The following OTOG variants were observed in gnomAD, a reference collection of about 807,000 sequenced individuals.
OTOG encodes the protein otogelin.
In OTOG, 296 loss-of-function variants were observed where a neutral mutation model predicts 313.8. The observed-to-expected ratio is 0.94, with a 90% confidence interval of 0.86 to 1.04. The LOEUF (loss-of-function observed/expected upper bound fraction) is 1.04. OTOG is among the 50% of genes least tolerant of loss of function. The pLI, the probability that OTOG is intolerant of heterozygous loss-of-function variation, is 0.00. For missense variants in OTOG, 3,948 were observed against 3,840.1 expected, an observed-to-expected ratio of 1.03 and a Z score of -0.74; for synonymous variants, 1,533 against 1,554.9, an observed-to-expected ratio of 0.99 and a Z score of 0.33.
In OTOG at chr11:17,612,770, C is replaced by T. The variant is rs1853594502; in HGVS notation, c.6438+5C>T. 2 of 1,549,880 alleles carry T rather than the reference C, an allele frequency of 1.3e-6. No homozygotes were observed. The highest frequency in any genetic ancestry group is 2.0e-5 in the Admixed American group (1 of 50,944). On this transcript the variant is annotated splice_donor_5th_base_variant and intron_variant, in intron 38 of 55. Coordinates refer to ENST00000399397, the MANE Select transcript of OTOG (RefSeq NM_001292063.2). ...GACTGCAAAAGTGCCAACCTGGTGCCTGCCCCATACCTCCCTCCCTGCTGG... is the reference window on the plus strand; with the variant it reads ...GACTGCAAAAGTGCCAACCTGGTGCTTGCCCCATACCTCCCTCCCTGCTGG...
chr11:17,632,198 C>T lies in OTOG; in HGVS notation c.7044C>T (p.Cys2348=). 6.4e-7 allele frequency: 1 copy of T among 1,550,968 alleles called. No homozygotes were observed. The highest frequency in any genetic ancestry group is 1.2e-5 in the South Asian group (1 of 84,056). ...CCATGTGCCACAAATTTCATGTGTG[C>T]ATCGAGTGGCGGCGCTCTGACTACT... ...YVAMCHKFHV[C]IEWRRSDYCP... The change falls in exon 42 of 56, where the codon TGC becomes TGT. Residue 2348 remains cysteine (C), a synonymous_variant. Transcript: ENST00000399397.
intron 28 of OTOG, 44 bp from the exon 29 acceptor site, chr11:17,595,994 A>T: frequency 1.5e-6 from 2 of 1,368,226 alleles, no homozygotes. Flanking sequence ...GGCAACAGGC[A>T]TTTGGCAAGT....
In OTOG at chr11:17,611,043, A is replaced by G. The variant is rs1339656751; in HGVS notation, c.5743A>G (p.Lys1915Glu). 1.9e-6 allele frequency: 3 copies of G among 1,550,600 alleles called. No homozygotes were observed. In the South Asian group the frequency reaches 3.6e-5, roughly 18 times the overall value. ...STTGKVAILS[K>E]QVSLPTSMYG... Reference sequence around the variant, plus strand: ...CACAGGGAAGGTGGCCATCCTATCCAAGCAAGTGTCTCTGCCCACTTCCAT... The same window carrying G: ...CACAGGGAAGGTGGCCATCCTATCCGAGCAAGTGTCTCTGCCCACTTCCAT... The change falls in exon 36 of 56, where the codon AAG becomes GAG. Residue 1915 changes from lysine (K) to glutamate (E), a missense_variant. By Grantham distance (56) the Lys-to-Glu change is moderately conservative. Transcript: ENST00000399397.
In OTOG at chr11:17,591,548, C is replaced by T. The variant is rs192108740; in HGVS notation, c.2966C>T (p.Pro989Leu). Reference sequence around the variant, plus strand: ...CATTACCGCACGTTTGATGGGCTCCCGTTTGACTTCGTGGGGGCATGCAAA... The same window carrying T: ...CATTACCGCACGTTTGATGGGCTCCTGTTTGACTTCGTGGGGGCATGCAAA... The part of the protein sequence containing the change: ...DRHYRTFDGL[P>L]FDFVGACKVH... The change falls in exon 25 of 56, where the codon CCG becomes CTG. Residue 989 changes from proline (P) to leucine (L), a missense_variant. Transcript: ENST00000399397. 3.9e-6 allele frequency: 6 copies of T among 1,550,646 alleles called. No individual in the cohort carries two copies. Among genetic ancestry groups the T allele is most frequent in the Admixed American group, 2.0e-5 (1 of 51,004 alleles).
intron 14 of OTOG, 44 bp downstream of exon 14, chr11:17,561,181 C>T (rs1447532447): frequency 1.3e-6 from 2 of 1,548,424 alleles, no homozygotes; most frequent in Non-Finnish European, 1.7e-6. Context: ...TTCTACCAGT[C>T]TGATAGGTTT....
At chr11:17,550,658 C>T (rs527982072) in intron 3 of OTOG, among the ~76,000 whole-genome samples, 2 of 152,310 alleles carry the variant, frequency 1.3e-5, no homozygotes, top group East Asian at 3.9e-4. Flanking sequence ...TTAATTACAG[C>T]TCTCTGGTGG....
chr11:17,629,679 A>T (rs886693019), intron 40 of OTOG, among the ~76,000 whole-genome samples: 1 of 152,202 alleles, frequency 6.6e-6, no homozygotes, highest in Non-Finnish European at 1.5e-5. Flanking sequence ...GCACTGAGAG[A>T]TGGCCATTAG....
intron 24 of OTOG, among the ~76,000 whole-genome samples, chr11:17,587,821 G>C (rs945136894): frequency 3.3e-5 from 5 of 152,154 alleles, no homozygotes; most frequent in Admixed American, 6.5e-5. Flanking sequence ...GTGAGCCAGA[G>C]CTCACCAGGG....
intron 14 of OTOG, 133 bp from the exon 15 acceptor site, chr11:17,561,529 G>T (rs901917837): frequency 4.3e-6 from 4 of 940,872 alleles, no homozygotes; most frequent in Non-Finnish European, 6.4e-6. Flanking sequence ...GGCTCTCAGG[G>T]GCCAGGCCTC....
At chr11:17,565,535 A>G (rs1322721775) in intron 15 of OTOG, among the ~76,000 whole-genome samples, 1 of 152,104 alleles carries the variant, frequency 6.6e-6, no homozygotes, top group Non-Finnish European at 1.5e-5. Context: ...GGAAGTCACT[A>G]TGGGCAACCC....
intron 24 of OTOG, among the ~76,000 whole-genome samples, chr11:17,590,896 C>T (rs184229136): frequency 6.6e-6 from 1 of 152,310 alleles, no homozygotes; most frequent in East Asian, 1.9e-4. Flanking sequence ...GCCCCAACCA[C>T]CCTATTTAAA....
At chr11:17,571,720 T>C (rs571352216) in intron 17 of OTOG, among the ~76,000 whole-genome samples, 2 of 152,238 alleles carry the variant, frequency 1.3e-5, no homozygotes, top group South Asian at 4.1e-4. Context: ...CTAGCCCATT[T>C]TGAGCCCTTT....
intron 4 of OTOG, 77 bp from the exon 5 acceptor site, chr11:17,553,042 G>A (rs968431271): frequency 7.0e-5 from 97 of 1,385,184 alleles, no homozygotes; most frequent in Middle Eastern, 3.5e-4. Context: ...TGGATCCTGT[G>A]AAGCCTGAGA....
At chr11:17,644,459 C>T (rs1447062471) in intron 54 of OTOG, among the ~76,000 whole-genome samples, 1 of 152,206 alleles carries the variant, frequency 6.6e-6, no homozygotes, top group South Asian at 2.1e-4. Context: ...AGTGAGTGCA[C>T]GTACCTGGCA....
At chr11:17,577,583 T>C (rs566359440) in intron 22 of OTOG, among the ~76,000 whole-genome samples, 1 of 152,260 alleles carries the variant, frequency 6.6e-6, no homozygotes, top group East Asian at 1.9e-4. Context: ...GCAACCCACT[T>C]TACCTCTCTG....
intron 33 of OTOG, among the ~76,000 whole-genome samples, 176 bp downstream of exon 33, chr11:17,606,311 G>C (rs1193239096): frequency 3.3e-5 from 5 of 152,226 alleles, no homozygotes; most frequent in African/African-American, 1.2e-4. Context: ...CCTCCATGTT[G>C]ACAGCTTAGG....
chr11:17,587,082 TG>T, intron 24 of OTOG, among the ~76,000 whole-genome samples: 1 of 152,394 alleles, frequency 6.6e-6, no homozygotes, highest in East Asian at 1.9e-4. Context: ...TGTGGATGTA[TG>T]TTTTTAATGG....
At chr11:17,602,157 G>A in intron 31 of OTOG, 53 bp from the exon 32 acceptor site, 1 of 1,540,408 alleles carries the variant, frequency 6.5e-7, no homozygotes, top group South Asian at 1.2e-5. Context: ...CAGGAGGTAT[G>A]GGAGGTGGGC....
At chr11:17,553,095 A>G in intron 4 of OTOG, 24 bp from the exon 5 acceptor site, 1 of 1,549,170 alleles carries the variant, frequency 6.5e-7, no homozygotes. Context: ...TTGATGGGGC[A>G]ATGACTCTGT....
Sources: gnomAD v4.1 joint callset for allele counts (sites outside exome capture counted in the v4.1 genomes callset) on GRCh38, gnomAD v4.1.1 for gene constraint, MANE v1.5 for transcripts, NCBI Gene and HGNC (gene_info 2026-07-23, HGNC 2026-07-21) for gene names.